Variants in TAOK3 observed in about 807,000 individuals in gnomAD.
TAOK3 encodes the protein TAO kinase 3, also known as serine/threonine-protein kinase TAO3.
Under a neutral mutation model 120.4 loss-of-function variants are expected in TAOK3, and 40 were observed. The observed-to-expected ratio is 0.33, with a 90% CI of 0.26 to 0.43. The LOEUF (loss-of-function observed/expected upper bound fraction) is 0.43, where lower values mean the gene tolerates loss of function less well. Ranked by LOEUF, TAOK3 falls within the 20% of genes least tolerant of loss-of-function variation. TAOK3 has a pLI of 1.00. For synonymous variants in TAOK3, 355 were observed against 387.5 expected, an observed-to-expected ratio of 0.92 and a Z score of 0.99; for missense variants, 821 against 1,112.1, an observed-to-expected ratio of 0.74 and a Z score of 3.72.
intron 1 of TAOK3, among the ~76,000 whole-genome samples, chr12:118,291,344 A>G (rs2042471401): frequency 6.6e-6 from 1 of 151,344 alleles, no homozygotes; most frequent in Admixed American, 6.6e-5. Context: ...TCGTTTTAGC[A>G]GAGACAGGGT....
chr12:118,351,401 A>C (rs1243373844), intron 1 of TAOK3, among the ~76,000 whole-genome samples: 1 of 152,138 alleles, frequency 6.6e-6, no homozygotes, highest in Non-Finnish European at 1.5e-5. Flanking sequence ...GCCTGACCCG[A>C]GTAGATGCTC....
intron 1 of TAOK3, among the ~76,000 whole-genome samples, chr12:118,281,053 C>G (rs1357254604): frequency 3.3e-5 from 5 of 152,084 alleles, no homozygotes; most frequent in African/African-American, 1.2e-4. Context: ...ATTTTGTATC[C>G]CGAAACTGCT....
intron 15 of TAOK3, among the ~76,000 whole-genome samples, chr12:118,180,003 A>C (rs2036604508): frequency 7.0e-6 from 1 of 143,070 alleles, no homozygotes; most frequent in Non-Finnish European, 1.5e-5. Context: ...GCTGGAGTGC[A>C]ATGGCACAAT....
At chr12:118,179,419 C>T (rs1031266725) in intron 15 of TAOK3, among the ~76,000 whole-genome samples, 1 of 152,158 alleles carries the variant, frequency 6.6e-6, no homozygotes, top group Non-Finnish European at 1.5e-5. Context: ...TAAATCACCT[C>T]TTGTACCTAA....
intron 1 of TAOK3, among the ~76,000 whole-genome samples, chr12:118,325,298 T>C (rs1277564928): frequency 1.3e-5 from 2 of 152,228 alleles, no homozygotes; most frequent in African/African-American, 4.8e-5. Flanking sequence ...GGAACCTCCA[T>C]ACTATTCTCC....
intron 19 of TAOK3, 126 bp from the exon 20 acceptor site, chr12:118,152,535 A>T: frequency 1.1e-6 from 1 of 872,434 alleles, no homozygotes; most frequent in South Asian, 1.7e-5. Flanking sequence ...CCTCAAAAAC[A>T]CAGATGCTCT....
chr12:118,348,000 ACCT>A (rs1415697646), intron 1 of TAOK3, among the ~76,000 whole-genome samples: 2 of 152,054 alleles, frequency 1.3e-5, no homozygotes, highest in Admixed American at 6.5e-5. Context: ...CAAAGTTCAA[ACCT>A]CCTGTTATGT....
chr12:118,276,423 C>T lies in TAOK3; in HGVS notation c.-193-9664G>A, dbSNP rs577089509. Among the ~76,000 whole-genome samples the T allele has an allele frequency of 1.2e-3, 176 of 152,278 alleles. 1 individual carries two copies. The highest frequency in any genetic ancestry group is 2.1e-3 in the Non-Finnish European group (141 of 68,022). ...CCCATTTATAAAACTGTAATATGGC[C>T]GGGCGCGGTGGCTCACGCCTGTAAT... On this transcript the variant is annotated intron_variant, in intron 1 of 20. Transcript: ENST00000392533.
chr12:118,346,522 C>T (rs894668976), intron 1 of TAOK3, among the ~76,000 whole-genome samples: 10 of 152,190 alleles, frequency 6.6e-5, no homozygotes, highest in African/African-American at 2.4e-4. Flanking sequence ...AACATTTATA[C>T]AAAAATTTCA....
intron 1 of TAOK3, among the ~76,000 whole-genome samples, chr12:118,317,695 T>A (rs1041336152): frequency 2.0e-5 from 3 of 152,050 alleles, no homozygotes; most frequent in African/African-American, 7.2e-5. Flanking sequence ...CCAAACAATA[T>A]ACAGATCCAA....
chr12:118,194,246 C>T (rs2037588237), intron 13 of TAOK3, among the ~76,000 whole-genome samples: 2 of 151,734 alleles, frequency 1.3e-5, no homozygotes, highest in Non-Finnish European at 2.9e-5. Context: ...GATCAGCAGA[C>T]CCACCACTCT....
intron 1 of TAOK3, among the ~76,000 whole-genome samples, chr12:118,272,373 T>C (rs2041743246): frequency 1.3e-5 from 2 of 151,886 alleles, no homozygotes; most frequent in Non-Finnish European, 2.9e-5. Flanking sequence ...AAAATAATTT[T>C]CCCTTTCCCA....
At chr12:118,330,312 C>T (rs766974938) in intron 1 of TAOK3, among the ~76,000 whole-genome samples, 3 of 152,312 alleles carry the variant, frequency 2.0e-5, no homozygotes, top group South Asian at 2.1e-4. Context: ...TAGGTCTTTA[C>T]GTCTTTTGTC....
chr12:118,177,342 C>T lies in TAOK3; in HGVS notation c.1567-13G>A. ...CAGCTACCTTTGCCTGATAAAATAA[C>T]AAATACAATGTAGGATGAATCTATT... On this transcript the variant is annotated splice_polypyrimidine_tract_variant and intron_variant, in intron 15 of 20. Coordinates refer to ENST00000392533, the MANE Select transcript of TAOK3 (RefSeq NM_016281.4). 3 of 1,612,390 alleles carry T rather than the reference C, an allele frequency of 1.9e-6. No individual in the cohort carries two copies. Among genetic ancestry groups the T allele is most frequent in the Non-Finnish European group, 2.5e-6 (3 of 1,179,468 alleles).
rs1324069385 is a variant in TAOK3, at chr12:118,372,904, T to G, written c.-450A>C. 1 of 154,338 alleles carries G rather than the reference T, an allele frequency of 6.5e-6. No individual in the cohort carries two copies. The highest frequency in any genetic ancestry group is 2.4e-5 in the African/African-American group (1 of 41,420). The allele number at this position is 154,338 out of a possible 1,614,324, so 9.6% of individuals were successfully genotyped here. A position where few individuals can be genotyped will look rare whatever the true frequency, so the allele number is the denominator to read the frequency against. On this transcript the variant is annotated 5_prime_UTR_variant, in exon 1 of 21. Transcript: ENST00000392533. The surrounding 1 kb of genome is among the most constrained non-coding windows in gnomAD (Gnocchi z 4.6). ...CCGCTGCTGCTGTCCGAGGTGCGGC[T>G]CCTGCCAGGGGTGGCCAATCGCACC...
intron 16 of TAOK3, among the ~76,000 whole-genome samples, chr12:118,172,984 CATG>C (rs2138678131): frequency 6.6e-6 from 1 of 152,206 alleles, no homozygotes; most frequent in African/African-American, 2.4e-5. Context: ...AGTAAAAGGC[CATG>C]ATAACTGCCA....
chr12:118,151,264 GCACACACATGAAGTGCGCGCGCGCGCACA>G, intron 20 of TAOK3, 106 bp from the exon 21 acceptor site: 4 of 1,092,676 alleles, frequency 3.7e-6, no homozygotes, highest in Middle Eastern at 2.4e-4. Flanking sequence ...ACACACATAG[GCACACACATGAAGTGCGCGCGCGCGCACA>G]CACACACACA....
Position 118,151,011 on chromosome 12 carries a change from CCTT to C in TAOK3, c.2680_2682del (p.Lys894del). 1 of 1,601,344 alleles carries C rather than the reference CCTT, an allele frequency of 6.2e-7. No homozygotes were observed. Among genetic ancestry groups the C allele is most frequent in the Non-Finnish European group, 8.5e-7 (1 of 1,176,096 alleles). ...AAAATTTAATCTCATCTGTAGTCCT[CCTT>C]AGGAAAATCTAATGTAACCAAATTC... On this transcript the variant is annotated inframe_deletion, in exon 21 of 21. Coordinates refer to ENST00000392533, the MANE Select transcript of TAOK3 (RefSeq NM_016281.4).
intron 17 of TAOK3, among the ~76,000 whole-genome samples, chr12:118,170,168 A>G (rs1416146745): frequency 8.1e-6 from 1 of 123,328 alleles, no homozygotes; most frequent in Non-Finnish European, 1.9e-5. Flanking sequence ...TGTGTTTCTC[A>G]AGCAGTTTTT....
Sources: allele counts gnomAD v4.1 joint callset (sites outside exome capture counted in the v4.1 genomes callset), GRCh38; gene constraint gnomAD v4.1.1; non-coding constraint Gnocchi (gnomAD v3.1); transcripts MANE v1.5; gene names NCBI Gene and HGNC (gene_info 2026-07-23, HGNC 2026-07-21).